The following CAMK2D variants were observed in gnomAD, a reference collection of about 807,000 sequenced individuals.
CAMK2D encodes calcium/calmodulin-dependent protein kinase type II subunit delta.
A neutral mutation model predicts 84.0 loss-of-function variants in CAMK2D; 37 were observed. That is an observed-to-expected ratio of 0.44 (90% CI 0.34 to 0.58). CAMK2D has a LOEUF of 0.58. CAMK2D is among the 20% of genes least tolerant of loss of function. The pLI, the probability that CAMK2D is intolerant of heterozygous loss-of-function variation, is 0.02. For synonymous variants in CAMK2D, 202 were observed against 212.5 expected, an observed-to-expected ratio of 0.95 and a Z score of 0.43; for missense variants, 448 against 652.5, an observed-to-expected ratio of 0.69 and a Z score of 3.41.
chr4:113,642,814 T>C (rs945308974), intron 3 of CAMK2D, among the ~76,000 whole-genome samples: 12 of 152,124 alleles, frequency 7.9e-5, no homozygotes, highest in Admixed American at 3.3e-4. Context: ...AAAGCCTTCA[T>C]GATCCAAAGC....
intron 16 of CAMK2D, among the ~76,000 whole-genome samples, chr4:113,488,879 C>G (rs2097791755): frequency 6.6e-6 from 1 of 152,088 alleles, no homozygotes; most frequent in Non-Finnish European, 1.5e-5. Flanking sequence ...GGGTTGGCAA[C>G]AGTTTGACCC....
At chr4:113,719,629 GA>G (rs2099524152) in intron 2 of CAMK2D, among the ~76,000 whole-genome samples, 1 of 152,182 alleles carries the variant, frequency 6.6e-6, no homozygotes, top group Non-Finnish European at 1.5e-5. Flanking sequence ...AAATACGTAT[GA>G]TTCACAAAAC....
intron 4 of CAMK2D, among the ~76,000 whole-genome samples, chr4:113,591,848 T>G (rs906877874): frequency 6.6e-6 from 1 of 151,956 alleles, no homozygotes; most frequent in Non-Finnish European, 1.5e-5. Flanking sequence ...CAATGTAGAG[T>G]CTTCTGTGTC....
At chr4:113,685,301 C>CTCCACT (rs1561824674) in intron 2 of CAMK2D, among the ~76,000 whole-genome samples, 1 of 149,596 alleles carries the variant, frequency 6.7e-6, no homozygotes, top group Admixed American at 6.7e-5. Context: ...TGGAGTGGCG[C>CTCCACT]GATCTCTGCT....
Position 113,761,395 on chromosome 4 carries a change from G to A in CAMK2D, c.-327C>T, listed in dbSNP as rs1414306431. 24 of 1,258,396 alleles carry A rather than the reference G, an allele frequency of 1.9e-5. No individual in the cohort carries two copies. Among genetic ancestry groups the A allele is most frequent in the Non-Finnish European group, 5.0e-6 (5 of 991,064 alleles). The allele number at this position is 1,258,396 out of a possible 1,614,324, so 78.0% of individuals were successfully genotyped here. A position where few individuals can be genotyped will look rare whatever the true frequency, so the allele number is the denominator to read the frequency against. On this transcript the variant is annotated 5_prime_UTR_variant, in exon 1 of 21. Transcript: ENST00000511664. The stretch of plus-strand genomic sequence containing the variant: ...CAGGGGGTAAAGTACTCAAGAAGAG[G>A]GGGCCGGGAAATGGAAAAACAGCCA...
At chr4:113,626,619 G>A (rs1277048653) in intron 3 of CAMK2D, among the ~76,000 whole-genome samples, 1 of 152,138 alleles carries the variant, frequency 6.6e-6, no homozygotes, top group Middle Eastern at 3.2e-3. Flanking sequence ...CACTTGACTG[G>A]ATCAGGAAGT....
intron 8 of CAMK2D, among the ~76,000 whole-genome samples, chr4:113,530,568 A>C (rs2098451314): frequency 6.6e-6 from 1 of 152,152 alleles, no homozygotes; most frequent in African/African-American, 2.4e-5. Flanking sequence ...CCTAACTCCT[A>C]ATATGATGGA....
At chr4:113,603,465 T>C (rs2098962517) in intron 4 of CAMK2D, among the ~76,000 whole-genome samples, 1 of 143,032 alleles carries the variant, frequency 7.0e-6, no homozygotes, top group Non-Finnish European at 1.5e-5. Flanking sequence ...GAAATCATCA[T>C]TCTCAGTAAA....
chr4:113,754,496 T>C, intron 2 of CAMK2D: 1 of 930,904 alleles, frequency 1.1e-6, no homozygotes, highest in Non-Finnish European at 1.3e-6. Context: ...ATTCAGTTTA[T>C]TCAACATTTC....
chr4:113,573,917 T>C (rs913151976), intron 4 of CAMK2D, among the ~76,000 whole-genome samples: 3 of 152,156 alleles, frequency 2.0e-5, no homozygotes, highest in Admixed American at 2.0e-4. Context: ...AGTGAGAGTC[T>C]CTCATCAATA....
intron 16 of CAMK2D, among the ~76,000 whole-genome samples, chr4:113,482,506 T>C (rs369639162): frequency 6.6e-6 from 1 of 152,334 alleles, no homozygotes; most frequent in African/African-American, 2.4e-5. Flanking sequence ...AGACATACTA[T>C]ACAGGAGTAT....
chr4:113,507,747 G>T (rs963781587), intron 13 of CAMK2D, among the ~76,000 whole-genome samples: 1 of 151,966 alleles, frequency 6.6e-6, no homozygotes, highest in Non-Finnish European at 1.5e-5. Flanking sequence ...TATTTCTCAG[G>T]TGTTAAATTT....
chr4:113,522,077 A>G (rs1023979153), intron 8 of CAMK2D, among the ~76,000 whole-genome samples: 2 of 152,216 alleles, frequency 1.3e-5, no homozygotes, highest in Non-Finnish European at 2.9e-5. Flanking sequence ...CACTGATTAC[A>G]ATTAGGTAGA....
chr4:113,743,734 T>G (rs1411864666), intron 2 of CAMK2D, among the ~76,000 whole-genome samples: 4 of 152,220 alleles, frequency 2.6e-5, no homozygotes, highest in Admixed American at 2.6e-4. Flanking sequence ...CTTAGTCTTT[T>G]TCCTCTTCTT....
At chr4:113,607,914 T>C (rs900340010) in intron 4 of CAMK2D, among the ~76,000 whole-genome samples, 4 of 152,186 alleles carry the variant, frequency 2.6e-5, no homozygotes, top group Non-Finnish European at 5.9e-5. Context: ...CCTCACCAGA[T>C]CTACAGACTA....
intron 3 of CAMK2D, among the ~76,000 whole-genome samples, chr4:113,655,092 T>A (rs574345349): frequency 1.3e-5 from 2 of 152,004 alleles, no homozygotes; most frequent in Admixed American, 1.3e-4. Flanking sequence ...CAAAGTAAGA[T>A]GCATTACCTC....
At chr4:113,664,345 C>T (rs558354268) in intron 2 of CAMK2D, among the ~76,000 whole-genome samples, 1 of 152,312 alleles carries the variant, frequency 6.6e-6, no homozygotes, top group Admixed American at 6.5e-5. Context: ...TTCTGTGGGT[C>T]AGGAACCTGG....
intron 2 of CAMK2D, among the ~76,000 whole-genome samples, chr4:113,741,475 C>A (rs1356961715): frequency 6.6e-6 from 1 of 151,986 alleles, no homozygotes; most frequent in African/African-American, 2.4e-5. Flanking sequence ...TAAACTTTAT[C>A]ATATTTATGT....
chr4:113,624,495 T>C (rs975094294), intron 3 of CAMK2D, among the ~76,000 whole-genome samples: 1 of 152,218 alleles, frequency 6.6e-6, no homozygotes, highest in Admixed American at 6.6e-5. Flanking sequence ...ACGGTGGGCA[T>C]ATTCCTTTGC....
Sources: allele counts gnomAD v4.1 joint callset (sites outside exome capture counted in the v4.1 genomes callset), GRCh38; gene constraint gnomAD v4.1.1; transcripts MANE v1.5; gene names NCBI Gene and HGNC (gene_info 2026-07-23, HGNC 2026-07-21).